The following PPM1L variants were observed in gnomAD, a reference collection of about 807,000 sequenced individuals.
PPM1L encodes protein phosphatase 1L.
In PPM1L, 13 loss-of-function variants were observed where a neutral mutation model predicts 31.4. That is an observed-to-expected ratio of 0.41 (90% CI 0.27 to 0.66). The LOEUF (loss-of-function observed/expected upper bound fraction) is 0.66, where lower values mean the gene tolerates loss of function less well. PPM1L is among the 30% of genes least tolerant of loss of function. PPM1L has a pLI of 0.29. For missense variants in PPM1L, 326 were observed against 453.7 expected, an observed-to-expected ratio of 0.72 and a Z score of 2.56; for synonymous variants, 184 against 175.4, an observed-to-expected ratio of 1.05 and a Z score of -0.39.
At chr3:160,987,926 G>A (rs1717015104) in intron 2 of PPM1L, among the ~76,000 whole-genome samples, 1 of 152,192 alleles carries the variant, frequency 6.6e-6, no homozygotes, top group African/African-American at 2.4e-5. Flanking sequence ...GTATGGATTG[G>A]TTCTTCTGGT....
rs190588315 is a variant in PPM1L at position 160,797,381 on chromosome 3, C to T, written c.399+40674C>T. Among the ~76,000 whole-genome samples, 123 of 152,326 alleles carry T rather than the reference C, an allele frequency of 8.1e-4. 2 individuals are homozygous for T. Among genetic ancestry groups the T allele is most frequent in the African/African-American group, 2.8e-3 (116 of 41,578 alleles). On this transcript the variant is annotated intron_variant, in intron 1 of 3. Transcript: ENST00000498165. ...CCACCATTCTTCAGTCTCTCTCCCT[C>T]TCCTAGGCCTCCCTATTCCCTGAGA...
chr3:160,869,732 GTGT>G (rs1321610583), intron 1 of PPM1L, among the ~76,000 whole-genome samples: 89 of 152,118 alleles, frequency 5.9e-4, no homozygotes, highest in South Asian at 1.5e-3. Context: ...GTGTGTGTGT[GTGT>G]GTGTGTGTAC....
chr3:161,000,465 T>G (rs1026340339), intron 2 of PPM1L, among the ~76,000 whole-genome samples: 2 of 152,012 alleles, frequency 1.3e-5, no homozygotes, highest in East Asian at 1.9e-4. Context: ...AAAGTAAGTT[T>G]CAAAAAGTGA....
intron 1 of PPM1L, among the ~76,000 whole-genome samples, chr3:160,790,784 A>G (rs1226237540): frequency 1.3e-5 from 2 of 152,140 alleles, no homozygotes; most frequent in Non-Finnish European, 2.9e-5. Context: ...AAGACCAGCA[A>G]TATCTGGGTC....
At chr3:160,814,926 C>G (rs1576651255) in intron 1 of PPM1L, among the ~76,000 whole-genome samples, 1 of 151,982 alleles carries the variant, frequency 6.6e-6, no homozygotes, top group African/African-American at 2.4e-5. Context: ...ATCGTATGCT[C>G]TCACTTATAA....
chr3:160,931,029 T>C (rs1001060614), intron 1 of PPM1L, among the ~76,000 whole-genome samples: 1 of 152,156 alleles, frequency 6.6e-6, no homozygotes. Context: ...ACAAAAAAAG[T>C]TTTAAAATGC....
rs1426297258 is a variant in PPM1L, at chr3:161,070,150, G to C, written c.*993G>C. ...ACCCTGAATTGAGCTCCAGCTGCCA[G>C]TTTTTGTGTTTTTCCTTGCCCCTTT... On this transcript the variant is annotated 3_prime_UTR_variant, in exon 4 of 4. Coordinates refer to ENST00000498165, the MANE Select transcript of PPM1L (RefSeq NM_139245.4). 2.0e-5 allele frequency: 3 copies of C among 152,322 alleles called. No individual in the cohort carries two copies. In the East Asian group the frequency reaches 5.8e-4, roughly 29 times the overall value. The allele number at this position is 152,322 out of a possible 1,614,324, so 9.4% of individuals were successfully genotyped here. A position where few individuals can be genotyped will look rare whatever the true frequency, so the allele number is the denominator to read the frequency against.
intron 1 of PPM1L, among the ~76,000 whole-genome samples, chr3:160,760,989 T>A (rs1431457301): frequency 6.6e-6 from 1 of 152,176 alleles, no homozygotes; most frequent in Non-Finnish European, 1.5e-5. Context: ...TCAGCACTTC[T>A]CAGAAGCTCA....
At chr3:160,947,142 G>T (rs949337237) in intron 1 of PPM1L, among the ~76,000 whole-genome samples, 20 of 152,114 alleles carry the variant, frequency 1.3e-4, no homozygotes, top group Non-Finnish European at 2.8e-4. Flanking sequence ...TCTTAACTCA[G>T]ACTCTTCATC....
chr3:160,944,822 T>C (rs1440972787), intron 1 of PPM1L, among the ~76,000 whole-genome samples: 1 of 15,366 alleles, frequency 6.5e-5, no homozygotes, highest in East Asian at 1.1e-3. Context: ...ATATATATGT[T>C]ATATATAACA....
chr3:160,854,701 A>T (rs1303636274), intron 1 of PPM1L, among the ~76,000 whole-genome samples: 1 of 152,110 alleles, frequency 6.6e-6, no homozygotes, highest in Non-Finnish European at 1.5e-5. Context: ...TGTTGAAAGA[A>T]ATCAGAGATA....
chr3:160,840,141 C>T (rs1462905699), intron 1 of PPM1L, among the ~76,000 whole-genome samples: 4 of 152,196 alleles, frequency 2.6e-5, no homozygotes, highest in Non-Finnish European at 4.4e-5. Context: ...TGGTGTTTCT[C>T]AACCTCATTT....
intron 1 of PPM1L, among the ~76,000 whole-genome samples, chr3:160,863,143 T>A (rs1711964329): frequency 6.6e-6 from 1 of 152,204 alleles, no homozygotes; most frequent in South Asian, 2.1e-4. Flanking sequence ...TTTTGTCATA[T>A]ATATGACAAA....
chr3:161,072,140 A>ATTT lies in PPM1L; in HGVS notation c.*2989_*2991dup, dbSNP rs10684062. 1.3e-5 allele frequency: 2 copies of ATTT among 151,886 alleles called. No homozygotes were observed. Among genetic ancestry groups the ATTT allele is most frequent in the Admixed American group, 1.3e-4 (2 of 15,254 alleles). The allele number at this position is 151,886 out of a possible 1,614,324, so 9.4% of individuals were successfully genotyped here. On this transcript the variant is annotated 3_prime_UTR_variant, in exon 4 of 4. Coordinates refer to ENST00000498165, the MANE Select transcript of PPM1L (RefSeq NM_139245.4). ...GGTTGGGGGAGGGACAGCTAGGGAA[A>ATTT]TTTTTTTTAATTAATTGTATCTAAA...
intron 1 of PPM1L, among the ~76,000 whole-genome samples, chr3:160,944,818 ATGTTATATATAACAT>A (rs1715295838): frequency 3.3e-5 from 1 of 30,102 alleles, no homozygotes; most frequent in African/African-American, 8.9e-5. Flanking sequence ...TAACATATAT[ATGTTATATATAACAT>A]ATATATGTTA....
chr3:160,864,071 G>C (rs1177662065), intron 1 of PPM1L, among the ~76,000 whole-genome samples: 1 of 152,146 alleles, frequency 6.6e-6, no homozygotes, highest in Non-Finnish European at 1.5e-5. Flanking sequence ...TATTAGATTT[G>C]TTACCACTCC....
chr3:161,067,920 A>AAT (rs1315111715), intron 3 of PPM1L, among the ~76,000 whole-genome samples: 1 of 152,192 alleles, frequency 6.6e-6, no homozygotes, highest in Non-Finnish European at 1.5e-5. Context: ...CGCCCTGAAG[A>AAT]ATACCACTTT....
intron 1 of PPM1L, among the ~76,000 whole-genome samples, chr3:160,957,565 G>A (rs1715814232): frequency 6.9e-6 from 1 of 144,390 alleles, no homozygotes; most frequent in Admixed American, 6.9e-5. Flanking sequence ...GCTAGCATCT[G>A]TTATTATTTG....
intron 1 of PPM1L, among the ~76,000 whole-genome samples, chr3:160,787,561 C>T (rs1437406231): frequency 6.6e-6 from 1 of 152,072 alleles, no homozygotes; most frequent in Middle Eastern, 3.2e-3. Flanking sequence ...TTTGTTTACT[C>T]TGTTGATAGT....
Sources: allele counts gnomAD v4.1 joint callset (sites outside exome capture counted in the v4.1 genomes callset), GRCh38; gene constraint gnomAD v4.1.1; transcripts MANE v1.5; gene names NCBI Gene and HGNC (gene_info 2026-07-23, HGNC 2026-07-21).